The following XRCC5 variants were observed in gnomAD, a reference collection of about 807,000 sequenced individuals.
XRCC5 encodes the protein DNA repair protein Ku80.
XRCC5 carries 12 observed loss-of-function variants against 95.7 expected under a neutral mutation model. That is an observed-to-expected ratio of 0.13 (90% CI 0.08 to 0.20). XRCC5 has a LOEUF of 0.20. Ranked by LOEUF, XRCC5 falls within the 10% of genes least tolerant of loss-of-function variation. The probability of loss-of-function intolerance (pLI) is 1.00; values close to 1 mark genes in which losing one functional copy is unlikely to be tolerated. For synonymous variants in XRCC5, 281 were observed against 290.3 expected, an observed-to-expected ratio of 0.97 and a Z score of 0.33; for missense variants, 595 against 873.9, an observed-to-expected ratio of 0.68 and a Z score of 4.02.
intron 17 of XRCC5, among the ~76,000 whole-genome samples, chr2:216,191,951 C>A (rs1184674283): frequency 6.6e-6 from 1 of 152,052 alleles, no homozygotes; most frequent in Non-Finnish European, 1.5e-5. Flanking sequence ...AGAAGAAGGT[C>A]ATAGTATAGA....
At chr2:216,117,970 A>G (rs1487503587) in intron 4 of XRCC5, among the ~76,000 whole-genome samples, 176 bp downstream of exon 4, 3 of 152,318 alleles carry the variant, frequency 2.0e-5, no homozygotes, top group Non-Finnish European at 2.9e-5. Flanking sequence ...TAAAAGTTTT[A>G]AAAGGGGAAG....
In XRCC5 at chr2:216,119,160, A is replaced by G. The variant is rs761981387; in HGVS notation, c.486A>G (p.Gln162=). The G allele has an allele frequency of 1.9e-6, 3 of 1,614,060 alleles. No individual in the cohort carries two copies. The highest frequency in any genetic ancestry group is 1.3e-5 in the African/African-American group (1 of 75,068). ...TGAAGAAATGTGACATCTCCCTGCA[A>G]TTCTTGTAAGATCCTAAGAATAATG... ...HSLKKCDISL[Q]FFLPFSLGKE... is the part of the protein sequence containing the mutation. The change falls in exon 5 of 21, where the codon CAA becomes CAG. Residue 162 remains glutamine (Q), a synonymous_variant. Coordinates refer to ENST00000392132, the MANE Select transcript of XRCC5 (RefSeq NM_021141.4).
rs541781406 is a variant in XRCC5 at position 216,188,561 on chromosome 2, GC to G, written c.1835-1661del. Among the ~76,000 whole-genome samples the G allele has an allele frequency of 2.4e-3, 364 of 152,268 alleles. 2 individuals are homozygous for G. Among genetic ancestry groups the G allele is most frequent in the South Asian group, 0.016 (78 of 4,818 alleles). On this transcript the variant is annotated intron_variant, in intron 16 of 20. Coordinates refer to ENST00000392132, the MANE Select transcript of XRCC5 (RefSeq NM_021141.4). ...AGAATTTAGAGTCTCTAGGATTATT[GC>G]CCTTGGCCTGTAAAGGTTTTTATTT...
chr2:216,138,506 T>A (rs1046413264), intron 12 of XRCC5, among the ~76,000 whole-genome samples: 1 of 152,258 alleles, frequency 6.6e-6, no homozygotes, highest in African/African-American at 2.4e-5. Flanking sequence ...GTATCAAACC[T>A]GTGACTTTAG....
intron 16 of XRCC5, among the ~76,000 whole-genome samples, chr2:216,176,798 A>G (rs189489131): frequency 6.6e-6 from 1 of 152,106 alleles, no homozygotes; most frequent in Non-Finnish European, 1.5e-5. Context: ...GGAAGCTTAG[A>G]TGATTGATTT....
At chr2:216,173,866 C>T (rs1689218528) in intron 16 of XRCC5, among the ~76,000 whole-genome samples, 2 of 152,318 alleles carry the variant, frequency 1.3e-5, no homozygotes, top group Non-Finnish European at 2.9e-5. Context: ...TTAGACTTCC[C>T]AGCCTCCAGA....
chr2:216,180,018 A>G (rs1052942873), intron 16 of XRCC5, among the ~76,000 whole-genome samples: 1 of 152,130 alleles, frequency 6.6e-6, no homozygotes, highest in Non-Finnish European at 1.5e-5. Flanking sequence ...AGAGAGAAAA[A>G]GTTTAAAAAT....
At chr2:216,189,934 A>G (rs536859127) in intron 16 of XRCC5, among the ~76,000 whole-genome samples, 1 of 152,366 alleles carries the variant, frequency 6.6e-6, no homozygotes, top group South Asian at 2.1e-4. Context: ...TTTAAAAATA[A>G]CTACAACCTA....
chr2:216,130,757 G>T (rs972155242), intron 8 of XRCC5, 118 bp from the exon 9 acceptor site: 21 of 608,048 alleles, frequency 3.5e-5, no homozygotes, highest in African/African-American at 3.4e-4. Flanking sequence ...CCAGGGAATA[G>T]AAGATGGAGG....
At chr2:216,128,060 G>A (rs1264420702) in intron 8 of XRCC5, 3 of 153,200 alleles carry the variant, frequency 2.0e-5, no homozygotes, top group African/African-American at 7.2e-5. Context: ...CAGGTTTTAT[G>A]TCCTACCAGA....
chr2:216,111,019 T>A (rs1235350166), intron 1 of XRCC5, among the ~76,000 whole-genome samples: 1 of 152,240 alleles, frequency 6.6e-6, no homozygotes, highest in African/African-American at 2.4e-5. Context: ...AGAAATCATC[T>A]ATAACTTCCC....
intron 16 of XRCC5, among the ~76,000 whole-genome samples, chr2:216,171,287 A>C (rs1485664132): frequency 6.6e-6 from 1 of 152,210 alleles, no homozygotes; most frequent in African/African-American, 2.4e-5. Context: ...GTAATTTGGT[A>C]CAGTTAGCCT....
At position 216,121,379 on chromosome 2, in the gene XRCC5, T is replaced by G. The variant is rs888995558; in HGVS notation, c.492-683T>G. Among the ~76,000 whole-genome samples the G allele has an allele frequency of 3.9e-5, 6 of 152,220 alleles. No individual in the cohort carries two copies. The East Asian group carries it at 9.6e-4, about 24-fold the overall frequency. ...TAAAAACAAATTTATTTCTCACAGT[T>G]CTGGAGGCCGGGAAGTCCAAGATCA... On this transcript the variant is annotated intron_variant, in intron 5 of 20. Transcript: ENST00000392132.
chr2:216,155,243 A>AAG (rs1190668966), intron 14 of XRCC5, among the ~76,000 whole-genome samples: 1 of 150,820 alleles, frequency 6.6e-6, no homozygotes, highest in Non-Finnish European at 1.5e-5. Flanking sequence ...TCTCAAAAAA[A>AAG]AAAAAAAAAA....
At chr2:216,151,641 C>T (rs1044678127) in intron 14 of XRCC5, among the ~76,000 whole-genome samples, 2 of 152,160 alleles carry the variant, frequency 1.3e-5, no homozygotes, top group African/African-American at 2.4e-5. Context: ...ATAGAGTTGT[C>T]ATGGGGGTTA....
chr2:216,195,137 A>G (rs1256125627), intron 19 of XRCC5, 151 bp downstream of exon 19: 13 of 687,108 alleles, frequency 1.9e-5, no homozygotes, highest in Non-Finnish European at 3.0e-5. Flanking sequence ...CAGCATCCCC[A>G]TGGGAGAAAT....
chr2:216,127,164 C>T (rs569301239), intron 7 of XRCC5, among the ~76,000 whole-genome samples: 5 of 152,182 alleles, frequency 3.3e-5, no homozygotes, highest in African/African-American at 1.2e-4. Flanking sequence ...CACTTAATCC[C>T]GGGAGGCGGA....
chr2:216,170,248 A>G (rs1177327467), intron 16 of XRCC5, among the ~76,000 whole-genome samples: 3 of 152,100 alleles, frequency 2.0e-5, no homozygotes, highest in African/African-American at 7.2e-5. Flanking sequence ...TATGAAATAT[A>G]TGACAGTGTT....
Position 216,205,238 on chromosome 2 carries a change from T to G in XRCC5, c.*36T>G. On this transcript the variant is annotated 3_prime_UTR_variant, in exon 21 of 21. Coordinates refer to ENST00000392132, the MANE Select transcript of XRCC5 (RefSeq NM_021141.4). The stretch of plus-strand genomic sequence containing the variant: ...TATGGGGAATCTAAGAGAGCTGCCA[T>G]CGCTGTGATGCTGGGAGTTCTAACA... The G allele has an allele frequency of 6.2e-7, 1 of 1,613,864 alleles. No homozygotes were observed. Among genetic ancestry groups the G allele is most frequent in the Non-Finnish European group, 8.5e-7 (1 of 1,179,752 alleles).
Sources: gnomAD v4.1 joint callset for allele counts (sites outside exome capture counted in the v4.1 genomes callset) on GRCh38, gnomAD v4.1.1 for gene constraint, MANE v1.5 for transcripts, NCBI Gene and HGNC (gene_info 2026-07-23, HGNC 2026-07-21) for gene names.